Variants in RGS3 observed in about 807,000 individuals in gnomAD.
The protein encoded by RGS3 is regulator of G-protein signalling 3.
RGS3 carries 80 observed loss-of-function variants against 132.6 expected under a neutral mutation model. That is an observed-to-expected ratio of 0.60 (90% CI 0.50 to 0.73). The LOEUF is 0.73. Among genes scored for constraint, RGS3 ranks in the 30% least tolerant of loss-of-function variants. RGS3 has a pLI of 0.00. For missense variants in RGS3, 1,382 were observed against 1,530.8 expected, an observed-to-expected ratio of 0.90 and a Z score of 1.62; for synonymous variants, 598 against 620.6, an observed-to-expected ratio of 0.96 and a Z score of 0.54.
chr9:113,512,062 T>G (rs1370629749), intron 14 of RGS3, among the ~76,000 whole-genome samples: 5 of 152,190 alleles, frequency 3.3e-5, no homozygotes, highest in South Asian at 4.1e-4. Flanking sequence ...AACCTCCCAC[T>G]GGCCCTGGGG....
At chr9:113,479,957 T>C (rs1392113415) in intron 4 of RGS3, among the ~76,000 whole-genome samples, 2 of 152,182 alleles carry the variant, frequency 1.3e-5, no homozygotes, top group African/African-American at 4.8e-5. Context: ...AAGATCATAG[T>C]CTTTGGAGCC....
chr9:113,576,689 G>C (rs1277558299), intron 19 of RGS3, among the ~76,000 whole-genome samples: 1 of 152,226 alleles, frequency 6.6e-6, no homozygotes, highest in Non-Finnish European at 1.5e-5. Flanking sequence ...TCAGACGTGA[G>C]GCTACAGGGA....
In RGS3 at chr9:113,596,997, G is replaced by T. The variant is rs746553481; in HGVS notation, c.*44G>T. 1.4e-5 allele frequency: 22 copies of T among 1,529,796 alleles called. No homozygotes were observed. The East Asian group carries it at 4.8e-4, about 33-fold the overall frequency. 94.8% of individuals were successfully genotyped at this position (1,529,796 alleles called of 1,614,324 possible). A position where few individuals can be genotyped will look rare whatever the true frequency, so the allele number is the denominator to read the frequency against. On this transcript the variant is annotated 3_prime_UTR_variant, in exon 25 of 25. Transcript: ENST00000350696. ...TCAGCGTTCACACCAGGCGGGCTGG[G>T]TCCCCTGCCCACCTGCCTCCCTGCC...
chr9:113,495,668 T>C, intron 7 of RGS3, 118 bp from the exon 6 acceptor site: 2 of 803,162 alleles, frequency 2.5e-6, no homozygotes. Flanking sequence ...CGAGATGATG[T>C]GGGTAAAAAG....
chr9:113,590,557 TATCCATCCATCCATCCATCC>T (rs746005388), intron 20 of RGS3, among the ~76,000 whole-genome samples: 6 of 148,626 alleles, frequency 4.0e-5, no homozygotes, highest in Admixed American at 3.3e-4. Context: ...CCTATCCACA[TATCCATCCATCCATCCATCC>T]ATCCATCCAT....
chr9:113,530,737 C>A, intron 18 of RGS3, among the ~76,000 whole-genome samples: 1 of 152,254 alleles, frequency 6.6e-6, no homozygotes, highest in Non-Finnish European at 1.5e-5. Context: ...TATTGATTTG[C>A]GGCTTTTTGT....
intron 11 of RGS3, among the ~76,000 whole-genome samples, chr9:113,505,789 A>G (rs191030362): frequency 6.6e-6 from 1 of 152,310 alleles, no homozygotes; most frequent in Non-Finnish European, 1.5e-5. Context: ...CTAAACCTAT[A>G]TTTTCAGCAA....
chr9:113,558,635 TAGTG>T (rs1165906780), intron 19 of RGS3, among the ~76,000 whole-genome samples: 2 of 152,138 alleles, frequency 1.3e-5, no homozygotes, highest in African/African-American at 4.8e-5. Context: ...GGGTCCAAGT[TAGTG>T]AGTTCTCATG....
At chr9:113,538,945 G>A (rs1832792561) in intron 19 of RGS3, among the ~76,000 whole-genome samples, 1 of 152,230 alleles carries the variant, frequency 6.6e-6, no homozygotes, top group African/African-American at 2.4e-5. Context: ...TGGCCCTAGA[G>A]GTCTCACTGC....
exon 15 of RGS3, chr9:113,514,531 G>A (rs756161220): frequency 2.0e-5 from 33 of 1,614,072 alleles, no homozygotes; most frequent in Middle Eastern, 3.3e-4. Context: ...AGACAGTGCA[G>A]ACCATGAAGG....
chr9:113,541,932 T>G (rs886265113), intron 19 of RGS3: 55 of 935,004 alleles, frequency 5.9e-5, no homozygotes, highest in Non-Finnish European at 6.8e-5. Flanking sequence ...CTGGGGATAC[T>G]GTGGAGAAAA....
intron 7 of RGS3, among the ~76,000 whole-genome samples, chr9:113,494,141 A>G (rs546425802): frequency 1.7e-4 from 26 of 152,328 alleles, no homozygotes; most frequent in African/African-American, 5.8e-4. Flanking sequence ...TGACATTAAA[A>G]AAAAACTCTT....
At position 113,537,477 on chromosome 9, in the gene RGS3, G is replaced by C. The variant is rs1315765096; in HGVS notation, c.2037+559G>C. 6.6e-6 allele frequency among the ~76,000 whole-genome samples: 1 copy of C among 152,170 alleles called. No individual in the cohort carries two copies. Among genetic ancestry groups the C allele is most frequent in the African/African-American group, 2.4e-5 (1 of 41,442 alleles). ...GGGAGGCTGTTCTGGGCTGGGCACTGCTCAGCCCATCCAGTGCCTGGGGAG... is the reference window on the plus strand; with the variant it reads ...GGGAGGCTGTTCTGGGCTGGGCACTCCTCAGCCCATCCAGTGCCTGGGGAG... On this transcript the variant is annotated intron_variant, in intron 19 of 24. Transcript: ENST00000350696. The surrounding 1 kb of genome is among the most constrained non-coding windows in gnomAD (Gnocchi z 4.3).
At chr9:113,522,989 C>T (rs1250274537) in exon 17 of RGS3, 3 of 1,614,166 alleles carry the variant, frequency 1.9e-6, no homozygotes, top group Admixed American at 3.3e-5. Flanking sequence ...AGCCTGGCCG[C>T]TGCGACGTCC....
At chr9:113,556,055 T>C (rs1488850632) in intron 19 of RGS3, among the ~76,000 whole-genome samples, 2 of 152,212 alleles carry the variant, frequency 1.3e-5, no homozygotes, top group Non-Finnish European at 2.9e-5. Flanking sequence ...TTTGCTTGAG[T>C]AGAAAATTCT....
intron 19 of RGS3, among the ~76,000 whole-genome samples, chr9:113,548,237 T>TG: frequency 6.6e-6 from 1 of 152,296 alleles, no homozygotes; most frequent in Middle Eastern, 3.4e-3. Flanking sequence ...TCTGCTGGGC[T>TG]GGGGGCAGGA....
intron 17 of RGS3, among the ~76,000 whole-genome samples, chr9:113,527,221 C>G (rs1048864150): frequency 4.6e-5 from 7 of 152,212 alleles, no homozygotes; most frequent in Non-Finnish European, 1.0e-4. Flanking sequence ...AGGGAGTGTT[C>G]CCCCAACCTC....
intron 18 of RGS3, among the ~76,000 whole-genome samples, chr9:113,535,620 C>G (rs1416668855): frequency 6.6e-6 from 1 of 152,198 alleles, no homozygotes; most frequent in Non-Finnish European, 1.5e-5. Context: ...CAGCTTGGTA[C>G]TTTCCTGAGG....
intron 6 of RGS3, among the ~76,000 whole-genome samples, chr9:113,484,985 G>A (rs547095328): frequency 1.3e-5 from 2 of 152,158 alleles, no homozygotes; most frequent in South Asian, 4.1e-4. Context: ...GACCTTTTAA[G>A]GTCCTTTTCA....
Sources: gnomAD v4.1 joint callset for allele counts (sites outside exome capture counted in the v4.1 genomes callset) on GRCh38, gnomAD v4.1.1 for gene constraint, Gnocchi (gnomAD v3.1) non-coding constraint, MANE v1.5 for transcripts, NCBI Gene and HGNC (gene_info 2026-07-23, HGNC 2026-07-21) for gene names.